The following EMSY variants were observed in gnomAD, a reference collection of about 807,000 sequenced individuals.
EMSY encodes BRCA2-interacting transcriptional repressor EMSY.
In EMSY, 26 loss-of-function variants were observed where a neutral mutation model predicts 134.6. The ratio of observed to expected loss-of-function variants is 0.19; its 90% CI spans 0.14 to 0.27. The LOEUF (loss-of-function observed/expected upper bound fraction) is 0.27, where lower values mean the gene tolerates loss of function less well. Ranked by LOEUF, EMSY falls within the 10% of genes least tolerant of loss-of-function variation. The probability of loss-of-function intolerance (pLI) is 1.00; values close to 1 mark genes in which losing one functional copy is unlikely to be tolerated. For synonymous variants in EMSY, 579 were observed against 577.8 expected (o/e 1.00, Z -0.03); for missense variants, 1,305 against 1,611.4 (o/e 0.81, Z 3.26).
chr11:76,548,615 GC>G (rs1951737825), intron 20 of EMSY, among the ~76,000 whole-genome samples: 1 of 152,168 alleles, frequency 6.6e-6, no homozygotes, highest in African/African-American at 2.4e-5. Flanking sequence ...TTACTCAGAG[GC>G]CCACAGCAAG....
At chr11:76,480,335 T>C (rs559308741) in intron 8 of EMSY, among the ~76,000 whole-genome samples, 59 of 152,352 alleles carry the variant, frequency 3.9e-4, no homozygotes, top group African/African-American at 1.3e-3. Flanking sequence ...ACCAGTCTGT[T>C]ATTATGGTAA....
exon 19 of EMSY, chr11:76,544,400 C>A: frequency 6.2e-7 from 1 of 1,614,178 alleles, no homozygotes; most frequent in South Asian, 1.1e-5. Flanking sequence ...GTCAGCTAAA[C>A]AGCAGAAACT....
intron 11 of EMSY, chr11:76,516,513 T>G: frequency 2.8e-6 from 1 of 361,114 alleles, no homozygotes; most frequent in Non-Finnish European, 4.9e-6. Flanking sequence ...TTGATAGTTT[T>G]AAAATGGAAA....
chr11:76,506,312 A>C, intron 9 of EMSY, among the ~76,000 whole-genome samples: 1 of 152,252 alleles, frequency 6.6e-6, no homozygotes. Context: ...ATACCAGTTT[A>C]AATTCCAAAA....
Position 76,538,119 on chromosome 11 carries a change from G to GA in EMSY, c.2515+177dup, listed in dbSNP as rs200244644. ...GATTTACCCTGTCTTTAATGACTAGGAAAAAAAATAGGATGTTATGAAGTT... is the reference window on the plus strand; with the variant it reads ...GATTTACCCTGTCTTTAATGACTAGGAAAAAAAAATAGGATGTTATGAAGTT... On this transcript the variant is annotated intron_variant, in intron 16 of 20. Transcript: ENST00000334736. Among the ~76,000 whole-genome samples, 715 of 151,638 alleles carry GA rather than the reference G, an allele frequency of 4.7e-3. 5 individuals are homozygous for GA. Among genetic ancestry groups the GA allele is most frequent in the African/African-American group, 0.016 (670 of 41,356 alleles).
chr11:76,511,180 C>T (rs1054594720), intron 9 of EMSY, among the ~76,000 whole-genome samples: 2 of 152,070 alleles, frequency 1.3e-5, no homozygotes, highest in Non-Finnish European at 2.9e-5. Flanking sequence ...TACTTTTTGG[C>T]AAAGGGGTAC....
At chr11:76,480,838 A>G (rs1446859491) in intron 8 of EMSY, among the ~76,000 whole-genome samples, 1 of 152,192 alleles carries the variant, frequency 6.6e-6, no homozygotes, top group Non-Finnish European at 1.5e-5. Context: ...TCCCCTAGCC[A>G]AGGGAAGCCA....
intron 8 of EMSY, among the ~76,000 whole-genome samples, chr11:76,474,366 ATTAGTT>A (rs1293718541): frequency 1.3e-5 from 2 of 152,190 alleles, no homozygotes; most frequent in Non-Finnish European, 2.9e-5. Context: ...GGTACTTGGT[ATTAGTT>A]TTCATTGAGT....
chr11:76,463,629 CAAAA>C (rs567081751), intron 6 of EMSY, among the ~76,000 whole-genome samples, 188 bp from the exon 8 acceptor site: 9 of 94,846 alleles, frequency 9.5e-5, no homozygotes, highest in Non-Finnish European at 1.1e-4. Flanking sequence ...GACTCCGTCT[CAAAA>C]AAAAAAAAAA....
chr11:76,476,381 ATT>A (rs1948770118), intron 8 of EMSY, among the ~76,000 whole-genome samples: 1 of 152,106 alleles, frequency 6.6e-6, no homozygotes, highest in African/African-American at 2.4e-5. Flanking sequence ...TGCAAAATGC[ATT>A]TTATCTTTAT....
intron 9 of EMSY, among the ~76,000 whole-genome samples, chr11:76,498,754 G>T (rs1057003392): frequency 1.3e-5 from 2 of 152,166 alleles, no homozygotes; most frequent in African/African-American, 4.8e-5. Context: ...GAACTATACT[G>T]ACTGGAGGGG....
intron 5 of EMSY, chr11:76,459,718 A>G: frequency 2.0e-6 from 1 of 494,976 alleles, no homozygotes; most frequent in Non-Finnish European, 3.6e-6. Context: ...TCACCTGTAG[A>G]CAAGCTGTTA....
rs565554798 is a variant in EMSY at position 76,485,679 on chromosome 11, A to G, written c.1109-10536A>G. On this transcript the variant is annotated intron_variant, in intron 8 of 20. Coordinates refer to ENST00000334736, the Ensembl canonical transcript of EMSY. ...TCTCACCACTCCTATTCAACATAGT[A>G]TTGGAAGTTCTGGCCAGGGCAATCA... Among the ~76,000 whole-genome samples, 250 of 152,314 alleles carry G rather than the reference A, an allele frequency of 1.6e-3. 1 individual carries two copies. Among genetic ancestry groups the G allele is most frequent in the Non-Finnish European group, 2.6e-3 (176 of 68,032 alleles).
intron 1 of EMSY, among the ~76,000 whole-genome samples, chr11:76,446,359 A>ATG (rs386374210): frequency 2.4e-4 from 36 of 148,992 alleles, no homozygotes; most frequent in South Asian, 8.4e-4. Context: ...GTATATATAT[A>ATG]TATGTATGTA....
At chr11:76,519,381 C>T (rs955727379) in intron 11 of EMSY, among the ~76,000 whole-genome samples, 8 of 152,018 alleles carry the variant, frequency 5.3e-5, no homozygotes, top group African/African-American at 1.2e-4. Flanking sequence ...TATTTTATAG[C>T]GTCAAATATT....
At chr11:76,518,705 T>TATATA (rs1406438858) in intron 11 of EMSY, among the ~76,000 whole-genome samples, 241 of 80,730 alleles carry the variant, frequency 3.0e-3, no homozygotes, top group Admixed American at 7.1e-3. Flanking sequence ...ATATATATAT[T>TATATA]TTTTTTTTAA....
intron 8 of EMSY, among the ~76,000 whole-genome samples, chr11:76,486,949 CAGAG>C (rs887426157): frequency 2.6e-5 from 4 of 152,166 alleles, no homozygotes; most frequent in African/African-American, 9.7e-5. Flanking sequence ...TTTATACAAT[CAGAG>C]AGAAAATTCT....
rs61688457 is a variant in EMSY, at chr11:76,491,177, CTTTTTTTT to C, written c.1109-5027_1109-5020del. ...CTCAGCTGATTTCTTCTTCTTTTTTCTTTTTTTTTTTTTTTTTTAAGAGATAGGGGTCT... is the reference window on the plus strand; with the variant it reads ...CTCAGCTGATTTCTTCTTCTTTTTTCTTTTTTTTTTAAGAGATAGGGGTCT... On this transcript the variant is annotated intron_variant, in intron 8 of 20. Coordinates refer to ENST00000334736, the Ensembl canonical transcript of EMSY. Among the ~76,000 whole-genome samples, 690 of 129,916 alleles carry C rather than the reference CTTTTTTTT, an allele frequency of 5.3e-3. 6 individuals carry two copies. Among genetic ancestry groups the C allele is most frequent in the African/African-American group, 0.018 (641 of 34,926 alleles). The allele number at this position is 129,916 out of a possible 152,430, so 85.2% of individuals were successfully genotyped here.
chr11:76,472,804 T>G (rs751374681), exon 8 of EMSY: 10 of 1,614,154 alleles, frequency 6.2e-6, no homozygotes, highest in Admixed American at 1.7e-5. Context: ...TGTGGTGTCC[T>G]CTACACCATC....
Sources: gnomAD v4.1 joint callset for allele counts (sites outside exome capture counted in the v4.1 genomes callset) on GRCh38, gnomAD v4.1.1 for gene constraint, MANE v1.5 for transcripts, NCBI Gene and HGNC (gene_info 2026-07-23, HGNC 2026-07-21) for gene names.